Variants in IQSEC1 observed in about 807,000 individuals in gnomAD.
IQSEC1 encodes the protein IQ motif and SEC7 domain-containing protein 1.
Under a neutral mutation model 91.0 loss-of-function variants are expected in IQSEC1, and 31 were observed. The ratio of observed to expected loss-of-function variants is 0.34; its 90% CI spans 0.26 to 0.46. IQSEC1 has a LOEUF of 0.46. Among genes scored for constraint, IQSEC1 ranks in the 20% least tolerant of loss-of-function variants. The pLI is 1.00. For synonymous variants in IQSEC1, 699 were observed against 662.6 expected, an observed-to-expected ratio of 1.05 and a Z score of -0.84; for missense variants, 1,388 against 1,575.6, an observed-to-expected ratio of 0.88 and a Z score of 2.02.
intron 1 of IQSEC1, among the ~76,000 whole-genome samples, chr3:13,203,107 A>G (rs1422701865): frequency 2.6e-5 from 4 of 152,010 alleles, no homozygotes; most frequent in African/African-American, 7.3e-5. Flanking sequence ...GGTGGGAAGG[A>G]CGGAGGAGAG....
intron 1 of IQSEC1, among the ~76,000 whole-genome samples, chr3:12,959,234 C>T (rs937026279): frequency 6.6e-6 from 1 of 152,160 alleles, no homozygotes; most frequent in Non-Finnish European, 1.5e-5. Flanking sequence ...AGGGGCCCAG[C>T]AAGACGAGGG....
chr3:13,168,841 C>A (rs940816577), intron 1 of IQSEC1, among the ~76,000 whole-genome samples: 3 of 152,182 alleles, frequency 2.0e-5, no homozygotes, highest in African/African-American at 7.2e-5. Context: ...TCTAAATAGC[C>A]CTCCCCTGGC....
At chr3:13,155,919 A>G (rs757654888) in intron 2 of IQSEC1, among the ~76,000 whole-genome samples, 1 of 152,210 alleles carries the variant, frequency 6.6e-6, no homozygotes, top group Non-Finnish European at 1.5e-5. Flanking sequence ...ACACTTTTTC[A>G]TAATAAAAAC....
chr3:12,915,871 A>G, intron 6 of IQSEC1, 138 bp from the exon 7 acceptor site: 2 of 992,122 alleles, frequency 2.0e-6, no homozygotes, highest in East Asian at 4.8e-5. Flanking sequence ...CCACAGCAAC[A>G]GGACATTTTC....
At chr3:12,971,613 A>G (rs963283441) in intron 1 of IQSEC1, among the ~76,000 whole-genome samples, 3 of 152,240 alleles carry the variant, frequency 2.0e-5, no homozygotes, top group Non-Finnish European at 4.4e-5. Context: ...GAATCTACAG[A>G]ACACTAGTAT....
At chr3:13,168,191 T>C (rs1252084849) in intron 1 of IQSEC1, among the ~76,000 whole-genome samples, 2 of 152,244 alleles carry the variant, frequency 1.3e-5, no homozygotes, top group African/African-American at 4.8e-5. Flanking sequence ...CAGATTCTGT[T>C]GTCTGCAACT....
chr3:13,116,202 G>C (rs1000077694), intron 2 of IQSEC1, among the ~76,000 whole-genome samples: 1 of 152,220 alleles, frequency 6.6e-6, no homozygotes, highest in African/African-American at 2.4e-5. Flanking sequence ...GCCAGGCCAG[G>C]TGCTGGCTGC....
At chr3:12,929,243 T>C (rs1697431455) in intron 3 of IQSEC1, among the ~76,000 whole-genome samples, 4 of 152,178 alleles carry the variant, frequency 2.6e-5, no homozygotes, top group Non-Finnish European at 5.9e-5. Context: ...TTCGTACTCA[T>C]AACGTACCAT....
At chr3:13,277,288 C>G (rs893292038) in intron 1 of IQSEC1, among the ~76,000 whole-genome samples, 1 of 152,130 alleles carries the variant, frequency 6.6e-6, no homozygotes, top group Non-Finnish European at 1.5e-5. Context: ...CTCTCACTCC[C>G]CCCGGCACAG....
Position 12,949,358 on chromosome 3 carries a change from G to T in IQSEC1, c.24-7493C>A, listed in dbSNP as rs1699389717. Among the ~76,000 whole-genome samples the T allele has an allele frequency of 3.3e-5, 5 of 152,262 alleles. No homozygotes were observed. The South Asian group carries it at 8.3e-4, about 25-fold the overall frequency. ...GGCAAAGCCACCCTCTTCAGAGGGG[G>T]CCGGGCCCCATGCTAGAGGAAGCAG... On this transcript the variant is annotated intron_variant, in intron 1 of 13. Transcript: ENST00000613206.
In IQSEC1 at chr3:13,015,505, AC is replaced by A. The variant is rs1252461271; in HGVS notation, c.23+57486del. ...ACCCTCACCACGGCAGGCTGCCCTG[AC>A]AGTCGCCAGCCCCTCACAGGTTTCT... On this transcript the variant is annotated intron_variant, in intron 1 of 13. Coordinates refer to ENST00000613206, the MANE Select transcript of IQSEC1 (RefSeq NM_001134382.3). 14 of 948,646 alleles carry A rather than the reference AC, an allele frequency of 1.5e-5. No individual in the cohort carries two copies. In the African/African-American group the frequency reaches 1.9e-4, roughly 13 times the overall value. 58.8% of individuals were successfully genotyped at this position (948,646 alleles called of 1,614,324 possible).
At chr3:12,950,476 G>C (rs1217371434) in intron 1 of IQSEC1, among the ~76,000 whole-genome samples, 1 of 152,152 alleles carries the variant, frequency 6.6e-6, no homozygotes. Context: ...AGATCAGTTT[G>C]AGAAACGTAG....
At chr3:12,917,356 G>T (rs537104255) in intron 6 of IQSEC1, among the ~76,000 whole-genome samples, 5 of 152,294 alleles carry the variant, frequency 3.3e-5, no homozygotes, top group Non-Finnish European at 7.4e-5. Context: ...GCACCACGCA[G>T]AACAGTGTCA....
rs571369675 is a variant in IQSEC1 at position 13,052,410 on chromosome 3, G to A, written c.23+20582C>T. Among the ~76,000 whole-genome samples, 9 of 152,330 alleles carry A rather than the reference G, an allele frequency of 5.9e-5. No homozygotes were observed. The South Asian group carries it at 1.0e-3, about 18-fold the overall frequency. ...GCCTCTCTGCTGAGCAGTGCTCCCC[G>A]GCGTGGCTGGGACAGTGTATTTAAC... On this transcript the variant is annotated intron_variant, in intron 1 of 13. Coordinates refer to ENST00000613206, the MANE Select transcript of IQSEC1 (RefSeq NM_001134382.3).
At chr3:13,001,206 C>T (rs1702408459) in intron 1 of IQSEC1, among the ~76,000 whole-genome samples, 1 of 151,964 alleles carries the variant, frequency 6.6e-6, no homozygotes, top group South Asian at 2.1e-4. Context: ...AGTGATCCGC[C>T]CACCTCAGTC....
intron 2 of IQSEC1, among the ~76,000 whole-genome samples, chr3:13,144,750 C>G (rs2124945141): frequency 6.6e-6 from 1 of 152,372 alleles, no homozygotes; most frequent in South Asian, 2.1e-4. Flanking sequence ...ATCCACAGCC[C>G]AGCACCTGGA....
chr3:13,217,473 C>T lies in IQSEC1; in HGVS notation c.273-53340G>A, dbSNP rs73134145. On this transcript the variant is annotated intron_variant, in intron 1 of 15. Coordinates refer to the IQSEC1 transcript ENST00000648114. ...AGTAGTAGTCCACTGTGTGGAAGTA[C>T]CAAGTTTTCTCTCCATTCACACCAT... 6.9e-3 allele frequency among the ~76,000 whole-genome samples: 1,046 copies of T among 152,274 alleles called. 10 individuals are homozygous for T. The highest frequency in any genetic ancestry group is 0.023 in the African/African-American group (975 of 41,544).
chr3:12,984,061 G>A (rs963688440), intron 1 of IQSEC1, among the ~76,000 whole-genome samples: 1 of 152,252 alleles, frequency 6.6e-6, no homozygotes, highest in East Asian at 1.9e-4. Flanking sequence ...ACTGAGATAG[G>A]GACCCAGGCC....
chr3:13,019,586 C>T (rs773530021), intron 1 of IQSEC1, among the ~76,000 whole-genome samples: 2 of 152,204 alleles, frequency 1.3e-5, no homozygotes, highest in Admixed American at 6.5e-5. Context: ...TGGGGCGTGG[C>T]CTTAGTCCTT....
Sources: gnomAD v4.1 joint callset for allele counts (sites outside exome capture counted in the v4.1 genomes callset) on GRCh38, gnomAD v4.1.1 for gene constraint, MANE v1.5 for transcripts, NCBI Gene and HGNC (gene_info 2026-07-23, HGNC 2026-07-21) for gene names.